Variants in HOOK3 observed in about 807,000 individuals in gnomAD.
HOOK3 encodes the protein protein Hook homolog 3.
Under a neutral mutation model 116.3 loss-of-function variants are expected in HOOK3, and 24 were observed. That is an observed-to-expected ratio of 0.21 (90% CI 0.15 to 0.29). The LOEUF is 0.29. HOOK3 is among the 10% of genes least tolerant of loss of function. The probability of loss-of-function intolerance (pLI) is 1.00; values close to 1 mark genes in which losing one functional copy is unlikely to be tolerated. For missense variants in HOOK3, 632 were observed against 830.2 expected, an observed-to-expected ratio of 0.76 and a Z score of 2.93; for synonymous variants, 275 against 283.0, an observed-to-expected ratio of 0.97 and a Z score of 0.28.
chr8:42,926,963 T>G (rs956409988), intron 3 of HOOK3, among the ~76,000 whole-genome samples: 5 of 152,194 alleles, frequency 3.3e-5, no homozygotes. Context: ...TTGTTAACAT[T>G]AAATTGATTG....
At position 42,982,270 on chromosome 8, in the gene HOOK3, AG is replaced by A. The variant is rs67975211; in HGVS notation, c.1322-356del. On this transcript the variant is annotated intron_variant, in intron 13 of 21. Coordinates refer to ENST00000307602, the MANE Select transcript of HOOK3 (RefSeq NM_032410.4). ...ACTCTGTCTTAAAAAAAAAAAAAAA[AG>A]AAAAAAAAAAAGAAAAAAGGTAGAA... Among the ~76,000 whole-genome samples the A allele has an allele frequency of 8.5e-3, 1,184 of 139,966 alleles. 37 individuals carry two copies. Among genetic ancestry groups the A allele is most frequent in the African/African-American group, 0.032 (1,126 of 35,316 alleles). 91.8% of individuals were successfully genotyped at this position (139,966 alleles called of 152,430 possible).
intron 11 of HOOK3, among the ~76,000 whole-genome samples, chr8:42,971,976 C>G (rs1266347571): frequency 6.6e-6 from 1 of 152,184 alleles, no homozygotes; most frequent in Non-Finnish European, 1.5e-5. Flanking sequence ...AGCCGCCGTG[C>G]CTGGCCTCTT....
chr8:42,959,451 G>A lies in HOOK3; in HGVS notation c.615+137G>A. The A allele has an allele frequency of 5.2e-6, 3 of 577,820 alleles. No homozygotes were observed. In the Admixed American group the frequency reaches 9.7e-5, roughly 19 times the overall value. The allele number at this position is 577,820 out of a possible 1,614,324, so 35.8% of individuals were successfully genotyped here. ...AGGGAAAAAATGGCTGGGCGCAGTG[G>A]CTCACACCTGTAATCCCAGCACTTC... On this transcript the variant is annotated intron_variant, in intron 8 of 21. Coordinates refer to ENST00000307602, the MANE Select transcript of HOOK3 (RefSeq NM_032410.4).
chr8:43,014,476 C>G (rs540413630), intron 21 of HOOK3, among the ~76,000 whole-genome samples: 1 of 151,834 alleles, frequency 6.6e-6, no homozygotes, highest in African/African-American at 2.4e-5. Flanking sequence ...CTCAGCCTTC[C>G]AAGTAGCTGG....
At chr8:42,922,246 A>G (rs1245916845) in intron 2 of HOOK3, among the ~76,000 whole-genome samples, 2 of 149,550 alleles carry the variant, frequency 1.3e-5, no homozygotes, top group African/African-American at 2.6e-5. Context: ...AACCTCATCA[A>G]AATTTAAAAC....
At position 43,018,528 on chromosome 8, in the gene HOOK3, T is replaced by A. The variant is rs1809764419; in HGVS notation, c.*30T>A. On this transcript the variant is annotated 3_prime_UTR_variant, in exon 22 of 22. Transcript: ENST00000307602. Reference sequence around the variant, plus strand: ...GTTGTGCCGCTCAATCACAGACACCTGCACCCACAACATACTTCTGTTACA... The same window carrying A: ...GTTGTGCCGCTCAATCACAGACACCAGCACCCACAACATACTTCTGTTACA... 1 of 1,575,676 alleles carries A rather than the reference T, an allele frequency of 6.3e-7. No individual in the cohort carries two copies. The highest frequency in any genetic ancestry group is 1.2e-5 in the South Asian group (1 of 84,846).
intron 2 of HOOK3, among the ~76,000 whole-genome samples, chr8:42,923,627 A>C (rs927923617): frequency 4.6e-5 from 7 of 152,226 alleles, no homozygotes; most frequent in African/African-American, 1.7e-4. Flanking sequence ...TCATAGAGAC[A>C]GAAAATAGAT....
Position 43,011,240 on chromosome 8 carries a change from G to A in HOOK3, c.1839+835G>A, listed in dbSNP as rs193030760. Among the ~76,000 whole-genome samples, 190 of 152,166 alleles carry A rather than the reference G, an allele frequency of 1.2e-3. 1 individual carries two copies. Among genetic ancestry groups the A allele is most frequent in the East Asian group, 5.2e-3 (27 of 5,176 alleles). ...GATCTCCTGACCTCGTGATCCGCCC[G>A]CCTCGGCCTCCCAAAGTGCTGGGAT... On this transcript the variant is annotated intron_variant, in intron 19 of 21. Transcript: ENST00000307602.
chr8:42,976,626 A>G (rs1241032095), intron 13 of HOOK3, among the ~76,000 whole-genome samples: 2 of 152,152 alleles, frequency 1.3e-5, no homozygotes, highest in Non-Finnish European at 2.9e-5. Flanking sequence ...GGCCAGGCAC[A>G]GTGGCTCATG....
At chr8:42,986,998 A>C (rs1563308170) in intron 15 of HOOK3, among the ~76,000 whole-genome samples, 1 of 152,038 alleles carries the variant, frequency 6.6e-6, no homozygotes, top group Non-Finnish European at 1.5e-5. Flanking sequence ...CCATCTCTAC[A>C]AAAAAATGCA....
In HOOK3 at chr8:42,939,246, C is replaced by T. The variant is rs557106334; in HGVS notation, c.268-4067C>T. ...TGAGCTATTGGGTACACCTCCCAGA[C>T]GGGGTGGTGGCCGGGAAGAGGGGCT... On this transcript the variant is annotated intron_variant, in intron 4 of 21. Coordinates refer to ENST00000307602, the MANE Select transcript of HOOK3 (RefSeq NM_032410.4). Among the ~76,000 whole-genome samples, 454 of 152,252 alleles carry T rather than the reference C, an allele frequency of 3.0e-3. 10 individuals carry two copies. Among genetic ancestry groups the T allele is most frequent in the African/African-American group, 9.9e-3 (413 of 41,554 alleles).
intron 2 of HOOK3, among the ~76,000 whole-genome samples, chr8:42,906,597 T>A (rs1402456115): frequency 6.6e-6 from 1 of 152,210 alleles, no homozygotes; most frequent in Non-Finnish European, 1.5e-5. Context: ...TGCTGAAATA[T>A]CATCTCATCA....
intron 3 of HOOK3, among the ~76,000 whole-genome samples, chr8:42,927,817 C>T (rs779460097): frequency 1.4e-4 from 21 of 152,200 alleles, no homozygotes; most frequent in African/African-American, 2.2e-4. Context: ...ATGCTCAGTC[C>T]GGTCTCGAAC....
chr8:42,916,816 T>C (rs1586589390), intron 2 of HOOK3, among the ~76,000 whole-genome samples: 2 of 152,292 alleles, frequency 1.3e-5, no homozygotes, highest in African/African-American at 4.8e-5. Context: ...AACCTGCACA[T>C]AACAAAGGCC....
intron 11 of HOOK3, among the ~76,000 whole-genome samples, chr8:42,969,142 A>G (rs1416117950): frequency 6.6e-6 from 1 of 152,234 alleles, no homozygotes. Context: ...AAGAAATGCC[A>G]TATAAATAGT....
intron 13 of HOOK3, 36 bp downstream of exon 13, chr8:42,974,230 C>CTT: frequency 1.9e-5 from 25 of 1,339,752 alleles, no homozygotes; most frequent in Non-Finnish European, 2.3e-5. Context: ...CAGATGATTT[C>CTT]TTTTTTTTTT....
intron 2 of HOOK3, among the ~76,000 whole-genome samples, chr8:42,908,367 G>GC (rs57633323): frequency 0.048 from 7,247 of 152,204 alleles, 348 homozygotes; most frequent in African/African-American, 0.12. Flanking sequence ...GCAATCATGA[G>GC]AAAAAGAACA....
intron 16 of HOOK3, among the ~76,000 whole-genome samples, chr8:43,001,888 G>A (rs1374679942): frequency 6.6e-6 from 1 of 152,092 alleles, no homozygotes; most frequent in East Asian, 1.9e-4. Context: ...ATATATCCAG[G>A]TTGTGGGTAT....
chr8:42,948,572 T>C (rs1791945239), intron 5 of HOOK3, among the ~76,000 whole-genome samples: 1 of 152,174 alleles, frequency 6.6e-6, no homozygotes, highest in Non-Finnish European at 1.5e-5. Context: ...TTCAATAGGC[T>C]GTCATTAAAT....
Sources: gnomAD v4.1 joint callset for allele counts (sites outside exome capture counted in the v4.1 genomes callset) on GRCh38, gnomAD v4.1.1 for gene constraint, MANE v1.5 for transcripts, NCBI Gene and HGNC (gene_info 2026-07-23, HGNC 2026-07-21) for gene names.